PSD3: variants seen among roughly 807,000 people sequenced by gnomAD.
PSD3 encodes PH and SEC7 domain-containing protein 3.
A neutral mutation model predicts 105.5 loss-of-function variants in PSD3; 49 were observed. The ratio of observed to expected loss-of-function variants is 0.46; its 90% confidence interval spans 0.37 to 0.59. The LOEUF (loss-of-function observed/expected upper bound fraction) is 0.59, where lower values mean the gene tolerates loss of function less well. Ranked by LOEUF, PSD3 falls within the 20% of genes least tolerant of loss-of-function variation. The probability of loss-of-function intolerance (pLI) is 0.00; values close to 1 mark genes in which losing one functional copy is unlikely to be tolerated. For synonymous variants in PSD3, 557 were observed against 457.8 expected, an observed-to-expected ratio of 1.22 and a Z score of -2.77; for missense variants, 1,561 against 1,263.8, an observed-to-expected ratio of 1.24 and a Z score of -3.57.
At chr8:18,865,244 A>C (rs183285525) in intron 4 of PSD3, 1 of 7,274 alleles carries the variant, frequency 1.4e-4, no homozygotes, top group Non-Finnish European at 7.3e-4. Context: ...ATATATATAT[A>C]TATATATATA....
chr8:18,753,885 C>A (rs949876700), intron 9 of PSD3, among the ~76,000 whole-genome samples: 1 of 152,110 alleles, frequency 6.6e-6, no homozygotes, highest in African/African-American at 2.4e-5. Context: ...AGGCTACTGA[C>A]GACACAGATT....
chr8:18,589,196 T>C (rs1216994892), intron 12 of PSD3, among the ~76,000 whole-genome samples: 6 of 152,144 alleles, frequency 3.9e-5, no homozygotes, highest in Middle Eastern at 3.2e-3. Flanking sequence ...TAGAAGCTTA[T>C]AGGACTCCAC....
At chr8:18,690,616 A>G (rs1800920884) in intron 9 of PSD3, among the ~76,000 whole-genome samples, 1 of 152,180 alleles carries the variant, frequency 6.6e-6, no homozygotes, top group Admixed American at 6.5e-5. Flanking sequence ...ACTGCCTGAC[A>G]TCTGAGCCTG....
At chr8:18,981,046 G>A (rs757924455) in intron 1 of PSD3, among the ~76,000 whole-genome samples, 1 of 152,064 alleles carries the variant, frequency 6.6e-6, no homozygotes, top group African/African-American at 2.4e-5. Flanking sequence ...TGGCTCCCCT[G>A]TCCCTGCTCC....
chr8:19,031,299 A>C (rs334198), intron 1 of PSD3, among the ~76,000 whole-genome samples: 118,190 of 152,094 alleles, frequency 0.78, 48,530 homozygotes, highest in Non-Finnish European at 0.92. Context: ...AATACCTAGC[A>C]CAAACTACAC....
chr8:18,830,841 A>G (rs141641142), intron 4 of PSD3, among the ~76,000 whole-genome samples: 2 of 152,312 alleles, frequency 1.3e-5, no homozygotes, highest in Non-Finnish European at 2.9e-5. Flanking sequence ...TAAACCATCT[A>G]TGAGAACAGA....
chr8:18,635,027 C>CTGT (rs1807156236), intron 10 of PSD3, among the ~76,000 whole-genome samples: 1 of 152,120 alleles, frequency 6.6e-6, no homozygotes, highest in Admixed American at 6.6e-5. Context: ...TGAAATTCTT[C>CTGT]TGTAAGTATG....
intron 10 of PSD3, among the ~76,000 whole-genome samples, chr8:18,650,187 CGTT>C: frequency 6.6e-6 from 1 of 152,070 alleles, no homozygotes; most frequent in South Asian, 2.1e-4. Context: ...TTGTGTTAAT[CGTT>C]GTATTTTCTG....
intron 4 of PSD3, among the ~76,000 whole-genome samples, chr8:18,812,828 C>G (rs1811811805): frequency 6.6e-6 from 1 of 152,090 alleles, no homozygotes; most frequent in Non-Finnish European, 1.5e-5. Flanking sequence ...TGGGCCCTGG[C>G]ATTCTTCTGT....
chr8:18,789,843 C>G (rs182156024), intron 8 of PSD3, among the ~76,000 whole-genome samples: 15 of 152,252 alleles, frequency 9.9e-5, no homozygotes, highest in Non-Finnish European at 2.2e-4. Flanking sequence ...TAAGAAAGAG[C>G]GAAACTGACT....
At chr8:18,617,350 G>C (rs1296266831) in intron 11 of PSD3, among the ~76,000 whole-genome samples, 1 of 152,074 alleles carries the variant, frequency 6.6e-6, no homozygotes. Context: ...GACCAACATG[G>C]TGAAACCCCA....
At chr8:18,551,088 G>A (rs76375583) in intron 15 of PSD3, among the ~76,000 whole-genome samples, 3,573 of 152,254 alleles carry the variant, frequency 0.023, 66 homozygotes, top group East Asian at 0.085. Context: ...TTCAGAGGGT[G>A]GGTTTGCCTT....
At chr8:18,680,875 C>T (rs775021939) in intron 9 of PSD3, among the ~76,000 whole-genome samples, 8 of 152,092 alleles carry the variant, frequency 5.3e-5, no homozygotes, top group Non-Finnish European at 8.8e-5. Flanking sequence ...AGATATCTCA[C>T]TAAAATTAAA....
At chr8:18,608,304 C>T (rs1805014198) in intron 11 of PSD3, among the ~76,000 whole-genome samples, 1 of 152,184 alleles carries the variant, frequency 6.6e-6, no homozygotes, top group African/African-American at 2.4e-5. Context: ...GAAGGGACAT[C>T]CACAGTAAAT....
At chr8:18,594,454 T>C (rs1032963861) in intron 12 of PSD3, among the ~76,000 whole-genome samples, 2 of 128,278 alleles carry the variant, frequency 1.6e-5, no homozygotes, top group Non-Finnish European at 3.1e-5. Context: ...TATTTATATA[T>C]TATATTATAT....
At position 18,532,210 on chromosome 8, in the gene PSD3, T is replaced by A. The variant is rs1261064612; in HGVS notation, c.*3533A>T. On this transcript the variant is annotated 3_prime_UTR_variant, in exon 16 of 16. Transcript: ENST00000327040. The stretch of plus-strand genomic sequence containing the variant: ...AGAGGGAGCAATAGGCAAAGGACAG[T>A]AGAAAAGCTCAGTGTAACTTTGTGT... 2 of 152,238 alleles carry A rather than the reference T, an allele frequency of 1.3e-5. No individual in the cohort carries two copies. The highest frequency in any genetic ancestry group is 2.9e-5 in the Non-Finnish European group (2 of 68,056). The allele number at this position is 152,238 out of a possible 1,614,324, so 9.4% of individuals were successfully genotyped here. A position where few individuals can be genotyped will look rare whatever the true frequency, so the allele number is the denominator to read the frequency against.
At chr8:18,650,960 A>T (rs1808427475) in intron 10 of PSD3, among the ~76,000 whole-genome samples, 1 of 152,308 alleles carries the variant, frequency 6.6e-6, no homozygotes, top group East Asian at 1.9e-4. Context: ...TTCCCACCAT[A>T]CTGGACTTGG....
intron 2 of PSD3, among the ~76,000 whole-genome samples, chr8:18,931,626 C>T (rs1821754507): frequency 6.6e-6 from 1 of 152,176 alleles, no homozygotes; most frequent in Non-Finnish European, 1.5e-5. Context: ...TATGGCTTCC[C>T]CACTAGTGCC....
At chr8:18,999,705 A>G (rs1026539390) in intron 1 of PSD3, among the ~76,000 whole-genome samples, 7 of 151,882 alleles carry the variant, frequency 4.6e-5, no homozygotes, top group Admixed American at 4.6e-4. Flanking sequence ...ATAAAATACA[A>G]ATATTCATGA....
Sources: allele counts gnomAD v4.1 joint callset (sites outside exome capture counted in the v4.1 genomes callset), GRCh38; gene constraint gnomAD v4.1.1; transcripts MANE v1.5; gene names NCBI Gene and HGNC (gene_info 2026-07-23, HGNC 2026-07-21).